The following ZNF469 variants were observed in gnomAD, a reference collection of about 807,000 sequenced individuals.
ZNF469 encodes zinc finger protein 469.
A neutral mutation model predicts 1.0 loss-of-function variants in ZNF469; 1 was observed. That is an observed-to-expected ratio of 1.00 (90% CI 0.35 to 4.73). The LOEUF is 4.73. Among genes scored for constraint, ZNF469 ranks in the 30% most tolerant of loss-of-function variants. The pLI, the probability that ZNF469 is intolerant of heterozygous loss-of-function variation, is 0.16. For missense variants in ZNF469, 6,100 were observed against 5,356.3 expected (o/e 1.14, Z -4.33); for synonymous variants, 2,703 against 2,363.4 (o/e 1.14, Z -4.17).
chr16:88,376,529 G>A, the ZNF469 span, among the ~76,000 whole-genome samples: 6 of 152,352 alleles, frequency 3.9e-5, no homozygotes, highest in East Asian at 1.9e-4. Context: ...GCCCGTGAAC[G>A]GGCCCATTCA....
In ZNF469 at chr16:88,438,954, T is replaced by A; in HGVS notation, c.11484T>A (p.Ser3828Arg). Residue 3828 changes from serine to arginine, a missense_variant, in exon 3 of 3, where the codon AGT (serine) becomes AGA (arginine). By Grantham distance (110) the Ser-to-Arg change is moderately radical. Coordinates refer to ENST00000565624, the MANE Select transcript of ZNF469 (RefSeq NM_001367624.2). ...KKGQVPGPAR[S>R]ESVGSFGRAP... ...GCCAGGTCCCAGGGCCAGCCAGGAG[T>A]GAAAGTGTGGGGAGCTTCGGGAGAG... 6.5e-7 allele frequency: 1 copy of A among 1,549,380 alleles called. No homozygotes were observed. The highest frequency in any genetic ancestry group is 8.7e-7 in the Non-Finnish European group (1 of 1,146,692).
the ZNF469 span, among the ~76,000 whole-genome samples, chr16:88,279,023 C>CTGCGCCACGCTGACACTCGGTCAGTACCG: frequency 1.3e-5 from 2 of 151,726 alleles, no homozygotes; most frequent in Admixed American, 6.6e-5. Context: ...ATCATTAGTG[C>CTGCGCCACGCTGACACTCGGTCAGTACCG]TGTACCACGC....
the ZNF469 span, among the ~76,000 whole-genome samples, chr16:88,127,636 G>A: frequency 6.6e-6 from 1 of 152,148 alleles, no homozygotes; most frequent in Non-Finnish European, 1.5e-5. Flanking sequence ...GTCAGTGCTG[G>A]AGGCGGCAGG....
chr16:88,152,864 C>T, the ZNF469 span, among the ~76,000 whole-genome samples: 1 of 152,134 alleles, frequency 6.6e-6, no homozygotes, highest in African/African-American at 2.4e-5. The surrounding 1 kb of genome is among the most constrained non-coding windows in gnomAD (Gnocchi z 4.2). Context: ...CAGACTTAAA[C>T]CATTTGCGTT....
the ZNF469 span, among the ~76,000 whole-genome samples, chr16:88,126,881 G>A: frequency 1.0e-3 from 150 of 146,812 alleles, 1 homozygote; most frequent in Non-Finnish European, 1.3e-3. Context: ...GTGCAGTGGG[G>A]CGATCTCGGC....
At chr16:88,109,291 C>A in the ZNF469 span, among the ~76,000 whole-genome samples, 3 of 152,234 alleles carry the variant, frequency 2.0e-5, no homozygotes, top group East Asian at 5.8e-4. Context: ...CTGCTGCAAC[C>A]ACATTGCAGC....
At chr16:88,129,728 C>A in the ZNF469 span, among the ~76,000 whole-genome samples, 1 of 152,274 alleles carries the variant, frequency 6.6e-6, no homozygotes, top group Admixed American at 6.5e-5. Context: ...GATGTGGTGG[C>A]GCACGCCTGC....
intron 1 of ZNF469, among the ~76,000 whole-genome samples, chr16:88,386,456 C>A (rs759907608): frequency 6.6e-6 from 1 of 152,184 alleles, no homozygotes; most frequent in Non-Finnish European, 1.5e-5. Flanking sequence ...AACACCCCTC[C>A]TCTCCCTGCT....
chr16:88,340,945 C>T, the ZNF469 span, among the ~76,000 whole-genome samples: 30 of 151,968 alleles, frequency 2.0e-4, no homozygotes, highest in African/African-American at 7.0e-4. Flanking sequence ...GTTGGGGTAG[C>T]AAGGACCCTG....
At chr16:88,250,054 A>T in the ZNF469 span, among the ~76,000 whole-genome samples, 1 of 152,270 alleles carries the variant, frequency 6.6e-6, no homozygotes, top group Non-Finnish European at 1.5e-5. Flanking sequence ...AATTAAAAAC[A>T]TTCTTACTTT....
At chr16:88,131,626 G>C in the ZNF469 span, among the ~76,000 whole-genome samples, 1 of 152,222 alleles carries the variant, frequency 6.6e-6, no homozygotes, top group Admixed American at 6.5e-5. Flanking sequence ...CTTGGGCTTG[G>C]GCATCCTGTG....
At chr16:88,318,500 C>T in the ZNF469 span, among the ~76,000 whole-genome samples, 1 of 151,704 alleles carries the variant, frequency 6.6e-6, no homozygotes, top group Non-Finnish European at 1.5e-5. Flanking sequence ...TCAGGCAATT[C>T]TCCCCCCAGC....
At chr16:88,137,889 A>T in the ZNF469 span, among the ~76,000 whole-genome samples, 1 of 152,144 alleles carries the variant, frequency 6.6e-6, no homozygotes, top group Admixed American at 6.5e-5. Flanking sequence ...TAGCCCAGGG[A>T]GACAGAGGGT....
the ZNF469 span, chr16:88,194,919 C>G: frequency 2.0e-5 from 3 of 152,316 alleles, no homozygotes; most frequent in Non-Finnish European, 4.4e-5. Context: ...GTCGCTGTCC[C>G]AGGGAACGGT....
chr16:88,338,789 G>GCACAGGC, the ZNF469 span, among the ~76,000 whole-genome samples: 1 of 152,210 alleles, frequency 6.6e-6, no homozygotes, highest in Non-Finnish European at 1.5e-5. Context: ...GGCGATACAG[G>GCACAGGC]CACAGGCCAC....
At chr16:88,227,888 G>A in the ZNF469 span, among the ~76,000 whole-genome samples, 9 of 152,224 alleles carry the variant, frequency 5.9e-5, no homozygotes, top group South Asian at 6.2e-4. Context: ...GCCAGGCTCC[G>A]CCTCCATTAT....
the ZNF469 span, among the ~76,000 whole-genome samples, chr16:88,113,059 TG>T: frequency 6.6e-6 from 1 of 152,088 alleles, no homozygotes; most frequent in South Asian, 2.1e-4. Flanking sequence ...ATTACAGGTG[TG>T]AGCCACCGCG....
the ZNF469 span, among the ~76,000 whole-genome samples, chr16:88,197,127 G>T: frequency 1.2e-3 from 178 of 152,294 alleles, no homozygotes; most frequent in Middle Eastern, 3.4e-3. Flanking sequence ...CATCACCGAG[G>T]CCATCACACC....
chr16:88,120,902 G>A, the ZNF469 span, among the ~76,000 whole-genome samples: 4 of 152,226 alleles, frequency 2.6e-5, no homozygotes, highest in Non-Finnish European at 5.9e-5. Context: ...AGGGTGGGAG[G>A]CCGTGTGGTT....
Sources: allele counts gnomAD v4.1 joint callset (sites outside exome capture counted in the v4.1 genomes callset), GRCh38; gene constraint gnomAD v4.1.1; non-coding constraint Gnocchi (gnomAD v3.1); transcripts MANE v1.5; gene names NCBI Gene and HGNC (gene_info 2026-07-23, HGNC 2026-07-21).